RNGTT: variants seen among roughly 807,000 people sequenced by gnomAD.
RNGTT encodes the protein RNA guanylyltransferase and 5'-phosphatase, also known as mRNA-capping enzyme.
A neutral mutation model predicts 79.3 loss-of-function variants in RNGTT; 33 were observed. That is an observed-to-expected ratio of 0.42 (90% CI 0.32 to 0.56). RNGTT has a LOEUF of 0.56. Among genes scored for constraint, RNGTT ranks in the 20% least tolerant of loss-of-function variants. The pLI is 0.17. For synonymous variants in RNGTT, 222 were observed against 235.9 expected, an observed-to-expected ratio of 0.94 and a Z score of 0.54; for missense variants, 497 against 739.1, an observed-to-expected ratio of 0.67 and a Z score of 3.80.
In RNGTT at chr6:88,769,789, C is replaced by G; in HGVS notation, c.1424G>C (p.Arg475Thr). The change falls in exon 13 of 16, where the codon AGA becomes ACA. Residue 475 changes from arginine (R) to threonine (T), a missense_variant. By Grantham distance (71) the Arg-to-Thr change is moderately conservative. Coordinates refer to ENST00000369485, the MANE Select transcript of RNGTT (RefSeq NM_003800.5). ...NSVDFRLKITRMGGEGLLPQN... is the reference protein window; with the variant it reads ...NSVDFRLKITTMGGEGLLPQN... ...GCATACTTACCCTTCTCCTCCCATT[C>G]TTGTTATTTTTAGACGAAAATCCAC... 6.2e-7 allele frequency: 1 copy of G among 1,608,078 alleles called. No individual in the cohort carries two copies. The highest frequency in any genetic ancestry group is 8.5e-7 in the Non-Finnish European group (1 of 1,175,136).
intron 9 of RNGTT, among the ~76,000 whole-genome samples, chr6:88,850,615 C>T (rs1205046594): frequency 6.6e-6 from 1 of 151,656 alleles, no homozygotes; most frequent in African/African-American, 2.4e-5. Context: ...AAAAAACACA[C>T]TGATTTAGGA....
intron 13 of RNGTT, among the ~76,000 whole-genome samples, chr6:88,717,621 T>G (rs1223696309): frequency 1.3e-5 from 2 of 152,152 alleles, no homozygotes; most frequent in African/African-American, 4.8e-5. Context: ...TCTTTTTGTC[T>G]CATGTATTTC....
At chr6:88,860,713 G>A (rs1781985588) in intron 8 of RNGTT, among the ~76,000 whole-genome samples, 2 of 151,804 alleles carry the variant, frequency 1.3e-5, no homozygotes, top group African/African-American at 2.4e-5. Context: ...AGTGATACAC[G>A]TCTGTAATCC....
chr6:88,716,806 G>A (rs1010519053), intron 13 of RNGTT, among the ~76,000 whole-genome samples: 5 of 152,108 alleles, frequency 3.3e-5, no homozygotes, highest in Non-Finnish European at 7.3e-5. Flanking sequence ...ATCACACACC[G>A]AGGCCTGTTG....
At chr6:88,733,507 T>C (rs1053573109) in intron 13 of RNGTT, among the ~76,000 whole-genome samples, 5 of 151,736 alleles carry the variant, frequency 3.3e-5, no homozygotes, top group African/African-American at 7.3e-5. Context: ...GAAAAACGAC[T>C]GAAGCAGAAT....
rs116834264 is a variant in RNGTT at position 88,638,084 on chromosome 6, T to G, written c.1507-23689A>C. On this transcript the variant is annotated intron_variant, in intron 14 of 15. Coordinates refer to ENST00000369485, the MANE Select transcript of RNGTT (RefSeq NM_003800.5). The stretch of plus-strand genomic sequence containing the variant: ...TCATTAGAAAATTTCCATGAAGATT[T>G]TGGACATAAACCTGTGTCAAACCAG... 2.9e-3 allele frequency among the ~76,000 whole-genome samples: 443 copies of G among 152,212 alleles called. 1 individual carries two copies. The highest frequency in any genetic ancestry group is 0.01 in the African/African-American group (417 of 41,568).
intron 6 of RNGTT, among the ~76,000 whole-genome samples, chr6:88,896,596 A>G (rs189850980): frequency 1.3e-5 from 2 of 152,352 alleles, no homozygotes; most frequent in South Asian, 2.1e-4. Flanking sequence ...ACTAGGTTCT[A>G]AGTAACTTTC....
intron 11 of RNGTT, among the ~76,000 whole-genome samples, chr6:88,839,349 T>C (rs1482200512): frequency 6.6e-6 from 1 of 152,114 alleles, no homozygotes; most frequent in Non-Finnish European, 1.5e-5. Context: ...GGCAGGCAGA[T>C]CGTTTGAGCC....
intron 11 of RNGTT, among the ~76,000 whole-genome samples, chr6:88,814,755 T>C (rs761261151): frequency 6.6e-6 from 1 of 152,018 alleles, no homozygotes; most frequent in Non-Finnish European, 1.5e-5. Context: ...AAATGACTAG[T>C]CTGGATGTCA....
intron 2 of RNGTT, among the ~76,000 whole-genome samples, chr6:88,929,555 G>C (rs1323253074): frequency 6.6e-6 from 1 of 152,072 alleles, no homozygotes; most frequent in East Asian, 1.9e-4. Flanking sequence ...CTATGCAAAA[G>C]AGAAAATGCT....
At chr6:88,739,125 G>T (rs1383561505) in intron 13 of RNGTT, among the ~76,000 whole-genome samples, 6 of 152,130 alleles carry the variant, frequency 3.9e-5, no homozygotes, top group African/African-American at 1.4e-4. Context: ...GATTAAATGA[G>T]ATAATGTATA....
At chr6:88,739,636 A>G (rs971285480) in intron 13 of RNGTT, among the ~76,000 whole-genome samples, 16 of 150,522 alleles carry the variant, frequency 1.1e-4, no homozygotes, top group African/African-American at 3.7e-4. Context: ...AATACTTTAA[A>G]ATGTTAAAAA....
chr6:88,914,925 C>G (rs557878252), intron 4 of RNGTT, among the ~76,000 whole-genome samples: 1 of 151,872 alleles, frequency 6.6e-6, no homozygotes, highest in Admixed American at 6.6e-5. Context: ...ATTCAACAAG[C>G]AAAAAACAAA....
intron 11 of RNGTT, among the ~76,000 whole-genome samples, chr6:88,829,199 C>T (rs1279071863): frequency 6.6e-6 from 1 of 152,152 alleles, no homozygotes; most frequent in Non-Finnish European, 1.5e-5. Context: ...TTTGCAGAAA[C>T]CCTACAAGCC....
At chr6:88,697,856 G>A (rs1285995857) in intron 13 of RNGTT, among the ~76,000 whole-genome samples, 4 of 144,986 alleles carry the variant, frequency 2.8e-5, no homozygotes, top group Non-Finnish European at 6.0e-5. Context: ...GGGTGACAGA[G>A]TGAGACCCTG....
chr6:88,643,664 A>G (rs1773413252), intron 14 of RNGTT, among the ~76,000 whole-genome samples: 1 of 152,258 alleles, frequency 6.6e-6, no homozygotes, highest in Non-Finnish European at 1.5e-5. Flanking sequence ...CTCAGACCAC[A>G]GTGCAATCAA....
intron 8 of RNGTT, among the ~76,000 whole-genome samples, chr6:88,861,386 C>T (rs1215515472): frequency 6.6e-6 from 1 of 152,120 alleles, no homozygotes; most frequent in Admixed American, 6.6e-5. Flanking sequence ...ACTTGCCAAA[C>T]TCCAACTTTC....
chr6:88,696,340 T>C (rs114288949), intron 13 of RNGTT, among the ~76,000 whole-genome samples: 1,780 of 152,292 alleles, frequency 0.012, 30 homozygotes, highest in African/African-American at 0.04. Flanking sequence ...AATGGATAGT[T>C]GATTTATTAT....
intron 11 of RNGTT, among the ~76,000 whole-genome samples, 154 bp from the exon 12 acceptor site, chr6:88,801,786 A>C (rs1779791893): frequency 6.7e-6 from 1 of 149,864 alleles, no homozygotes; most frequent in Non-Finnish European, 1.5e-5. Flanking sequence ...AAGGAATCTA[A>C]GTTAATACAT....
Sources: allele counts gnomAD v4.1 joint callset (sites outside exome capture counted in the v4.1 genomes callset), GRCh38; gene constraint gnomAD v4.1.1; transcripts MANE v1.5; gene names NCBI Gene and HGNC (gene_info 2026-07-23, HGNC 2026-07-21).